CCDC149: variants seen among roughly 807,000 people sequenced by gnomAD.
The protein encoded by CCDC149 is coiled-coil domain containing 149, also known as coiled-coil domain-containing protein 149.
Under a neutral mutation model 59.9 loss-of-function variants are expected in CCDC149, and 45 were observed. That is an observed-to-expected ratio of 0.75 (90% CI 0.59 to 0.96). The LOEUF is 0.96. Among genes scored for constraint, CCDC149 ranks in the 40% least tolerant of loss-of-function variants. The probability of loss-of-function intolerance (pLI) is 0.00; values close to 1 mark genes in which losing one functional copy is unlikely to be tolerated. For missense variants in CCDC149, 584 were observed against 664.7 expected, an observed-to-expected ratio of 0.88 and a Z score of 1.33; for synonymous variants, 245 against 260.6, an observed-to-expected ratio of 0.94 and a Z score of 0.58.
chr4:24,866,775 G>A (rs558509652), intron 3 of CCDC149, among the ~76,000 whole-genome samples: 15 of 111,744 alleles, frequency 1.3e-4, no homozygotes, highest in African/African-American at 5.4e-4. Context: ...CCTTTAACGC[G>A]AAGACCCAAA....
At position 24,831,532 on chromosome 4, in the gene CCDC149, G is replaced by A; in HGVS notation, c.939C>T (p.Val313=). The A allele has an allele frequency of 6.2e-7, 1 of 1,614,030 alleles. No individual in the cohort carries two copies. Among genetic ancestry groups the A allele is most frequent in the Non-Finnish European group, 8.5e-7 (1 of 1,180,018 alleles). The change falls in exon 9 of 13, where the codon GTC becomes GTT. Residue 313 remains valine, a synonymous_variant. Transcript: ENST00000635206. ...TGTTGGTTTGCCTCTGGTGCTGAAT[G>A]ACCATGTTTTTCTCGTGGATTGTTT...
rs188692699 is a variant in CCDC149, at chr4:24,877,450, G to C, written c.64-753C>G. ...CTGCCCACCTTGGCCTTACAAAGTAGTGGGATTACAGGTGTGAGCCACCAT... is the reference window on the plus strand; with the variant it reads ...CTGCCCACCTTGGCCTTACAAAGTACTGGGATTACAGGTGTGAGCCACCAT... On this transcript the variant is annotated intron_variant, in intron 1 of 12. Transcript: ENST00000635206. Among the ~76,000 whole-genome samples, 1,148 of 152,074 alleles carry C rather than the reference G, an allele frequency of 7.5e-3. 16 individuals are homozygous for C. Among genetic ancestry groups the C allele is most frequent in the African/African-American group, 0.026 (1,073 of 41,454 alleles).
intron 4 of CCDC149, among the ~76,000 whole-genome samples, chr4:24,841,608 G>A (rs907559919): frequency 3.3e-5 from 5 of 152,352 alleles, no homozygotes; most frequent in Admixed American, 2.0e-4. Flanking sequence ...GTCTAAGGAC[G>A]TCACCGCAGA....
intron 12 of CCDC149, among the ~76,000 whole-genome samples, chr4:24,814,060 C>T (rs1714848526): frequency 6.6e-6 from 1 of 152,162 alleles, no homozygotes; most frequent in Non-Finnish European, 1.5e-5. Context: ...GTTTCCATTT[C>T]CTTTAGCCTT....
At chr4:24,804,192 C>CA (rs1370874977), downstream of CCDC149, among the ~76,000 whole-genome samples, 1 of 151,860 alleles carries the variant, frequency 6.6e-6, no homozygotes, top group Non-Finnish European at 1.5e-5. Context: ...CTCTCTTTTT[C>CA]AAAAAGAAGG....
At chr4:24,886,851 C>T (rs547792911) in intron 1 of CCDC149, among the ~76,000 whole-genome samples, 2 of 152,214 alleles carry the variant, frequency 1.3e-5, no homozygotes, top group East Asian at 1.9e-4. Flanking sequence ...TGTATACTAA[C>T]ACCAAATACA....
intron 1 of CCDC149, among the ~76,000 whole-genome samples, chr4:24,976,403 C>G (rs1577518544): frequency 6.6e-6 from 1 of 152,178 alleles, no homozygotes; most frequent in East Asian, 1.9e-4. Context: ...GAGGTATCAC[C>G]AGGACATTTA....
intron 1 of CCDC149, among the ~76,000 whole-genome samples, chr4:24,931,829 G>GTATATATATAAATATATATATA (rs1553862490): frequency 1.3e-5 from 1 of 76,908 alleles, no homozygotes; most frequent in African/African-American, 6.1e-5. Flanking sequence ...TGGAGAGTAT[G>GTATATATATAAATATATATATA]TATATATATA....
intron 1 of CCDC149, among the ~76,000 whole-genome samples, chr4:24,930,722 T>C (rs1722563058): frequency 6.6e-6 from 1 of 152,212 alleles, no homozygotes; most frequent in African/African-American, 2.4e-5. Flanking sequence ...CATACTGAGA[T>C]ATTATTCCAG....
At chr4:24,824,602 G>C (rs1158963149) in intron 9 of CCDC149, among the ~76,000 whole-genome samples, 1 of 152,160 alleles carries the variant, frequency 6.6e-6, no homozygotes, top group African/African-American at 2.4e-5. Context: ...ACTTGCCCAA[G>C]CATGCACAGT....
intron 1 of CCDC149, among the ~76,000 whole-genome samples, chr4:24,900,158 C>T (rs1721082310): frequency 6.6e-6 from 1 of 152,208 alleles, no homozygotes; most frequent in African/African-American, 2.4e-5. Context: ...ATCACCACTG[C>T]ACTGTAACTC....
intron 11 of CCDC149, among the ~76,000 whole-genome samples, chr4:24,820,490 C>T (rs113639569): frequency 1.3e-5 from 2 of 152,138 alleles, no homozygotes; most frequent in Non-Finnish European, 2.9e-5. Flanking sequence ...TGTGATTTGA[C>T]TCCTACTTTG....
Position 24,831,656 on chromosome 4 carries a change from T to A in CCDC149, c.821-6A>T. The A allele has an allele frequency of 6.2e-7, 1 of 1,612,046 alleles. No individual in the cohort carries two copies. ...CTCAGATAGCAGATCCTGAACTAGA[T>A]AGGATACAAAATGTATAACTCAGTC... On this transcript the variant is annotated splice_polypyrimidine_tract_variant and splice_region_variant and intron_variant, in intron 8 of 12. Transcript: ENST00000635206.
intron 1 of CCDC149, among the ~76,000 whole-genome samples, chr4:24,923,913 G>C (rs1294932812): frequency 2.0e-5 from 3 of 152,216 alleles, no homozygotes; most frequent in Non-Finnish European, 4.4e-5. Flanking sequence ...CTGAGCCCTA[G>C]ATTCCTTACA....
At chr4:24,822,601 A>C (rs770080296) in intron 9 of CCDC149, 28 bp from the exon 10 acceptor site, 86 of 1,488,662 alleles carry the variant, frequency 5.8e-5, no homozygotes, top group Non-Finnish European at 7.8e-5. Context: ...AATGACAATC[A>C]ATTACTGAGC....
chr4:24,875,454 T>C (rs1157796541), intron 2 of CCDC149, among the ~76,000 whole-genome samples: 1 of 152,210 alleles, frequency 6.6e-6, no homozygotes, highest in African/African-American at 2.4e-5. Flanking sequence ...AAACAGCATG[T>C]TTTATTATTT....
intron 12 of CCDC149, among the ~76,000 whole-genome samples, chr4:24,811,675 C>A (rs1417804973): frequency 3.3e-5 from 5 of 152,026 alleles, no homozygotes; most frequent in Non-Finnish European, 7.4e-5. Flanking sequence ...GAGTTCAAGA[C>A]CATTCTGGCC....
chr4:24,940,879 C>G (rs1426977332), intron 1 of CCDC149, among the ~76,000 whole-genome samples: 1 of 152,152 alleles, frequency 6.6e-6, no homozygotes, highest in Non-Finnish European at 1.5e-5. Context: ...AATACAGGAG[C>G]ACCCAGATTC....
In CCDC149 at chr4:24,837,427, C is replaced by T. The variant is rs1241773992; in HGVS notation, c.490-27G>A. On this transcript the variant is annotated intron_variant, in intron 5 of 12. Coordinates refer to ENST00000635206, the MANE Select transcript of CCDC149 (RefSeq NM_001330643.2). This position sits in a 1 kb window ranked among gnomAD's most constrained non-coding sequence, Gnocchi z 4.3. ...TAAAACCACAGGGAGAGCCCTTACTCAAGATGTTCCTCAGGCTCCAGCTTT... is the reference window on the plus strand; with the variant it reads ...TAAAACCACAGGGAGAGCCCTTACTTAAGATGTTCCTCAGGCTCCAGCTTT... The T allele has an allele frequency of 6.2e-7, 1 of 1,611,048 alleles. No homozygotes were observed. Among genetic ancestry groups the T allele is most frequent in the African/African-American group, 1.3e-5 (1 of 74,972 alleles).
Sources: gnomAD v4.1 joint callset for allele counts (sites outside exome capture counted in the v4.1 genomes callset) on GRCh38, gnomAD v4.1.1 for gene constraint, Gnocchi (gnomAD v3.1) non-coding constraint, MANE v1.5 for transcripts, NCBI Gene and HGNC (gene_info 2026-07-23, HGNC 2026-07-21) for gene names.